The following ADAMTS15 variants were observed in gnomAD, a reference collection of about 807,000 sequenced individuals.
The protein encoded by ADAMTS15 is A disintegrin and metalloproteinase with thrombospondin motifs 15.
Under a neutral mutation model 79.1 loss-of-function variants are expected in ADAMTS15, and 35 were observed. That is an observed-to-expected ratio of 0.44 (90% CI 0.34 to 0.59). ADAMTS15 has a LOEUF of 0.59. Among genes scored for constraint, ADAMTS15 ranks in the 20% least tolerant of loss-of-function variants. The probability of loss-of-function intolerance (pLI) is 0.02; values close to 1 mark genes in which losing one functional copy is unlikely to be tolerated. For synonymous variants in ADAMTS15, 616 were observed against 567.3 expected (o/e 1.09, Z -1.22); for missense variants, 1,324 against 1,318.7 (o/e 1.00, Z -0.06).
chr11:130,448,786 C>T lies in ADAMTS15; in HGVS notation c.-188C>T, dbSNP rs1269968346. Among the ~76,000 whole-genome samples, 1 of 152,198 alleles carries T rather than the reference C, an allele frequency of 6.6e-6. No homozygotes were observed. Among genetic ancestry groups the T allele is most frequent in the East Asian group, 1.9e-4 (1 of 5,180 alleles). ...TGCTTGGAAAGGCACAGGTAGGAAG[C>T]GCGGGCTGCCGGGTGCACGCTCGCC... On this transcript the variant is annotated 5_prime_UTR_variant, in exon 1 of 8. Transcript: ENST00000299164.
intron 1 of ADAMTS15, chr11:130,450,524 T>G: frequency 1.3e-6 from 1 of 792,008 alleles, no homozygotes; most frequent in Non-Finnish European, 1.5e-6. Context: ...ACTCAAGTAC[T>G]GCGAGCATCC....
chr11:130,467,521 G>C, intron 4 of ADAMTS15, among the ~76,000 whole-genome samples: 1 of 152,082 alleles, frequency 6.6e-6, no homozygotes, highest in South Asian at 2.1e-4. Flanking sequence ...AAATATGCTG[G>C]ATATGTACAC....
Position 130,471,468 on chromosome 11 carries a change from TG to T in ADAMTS15, c.2078+89del, listed in dbSNP as rs1938457594. Reference sequence around the variant, plus strand: ...AGGGTATTGGAAGCTTGGGTTAGACTGGGGTAAATGTCAGATCCAGCCAGTA... The same window carrying T: ...AGGGTATTGGAAGCTTGGGTTAGACTGGGTAAATGTCAGATCCAGCCAGTA... On this transcript the variant is annotated intron_variant, in intron 7 of 7. Transcript: ENST00000299164. The T allele has an allele frequency of 4.0e-6, 6 of 1,483,166 alleles. No individual in the cohort carries two copies. In the South Asian group the frequency reaches 8.0e-5, roughly 20 times the overall value. The allele number at this position is 1,483,166 out of a possible 1,614,324, so 91.9% of individuals were successfully genotyped here.
Position 130,448,791 on chromosome 11 carries a change from G to A in ADAMTS15, c.-183G>A, listed in dbSNP as rs1216160831. 6.6e-6 allele frequency among the ~76,000 whole-genome samples: 1 copy of A among 152,204 alleles called. No individual in the cohort carries two copies. Among genetic ancestry groups the A allele is most frequent in the African/African-American group, 2.4e-5 (1 of 41,456 alleles). ...GGAAAGGCACAGGTAGGAAGCGCGG[G>A]CTGCCGGGTGCACGCTCGCCGCCCT... On this transcript the variant is annotated 5_prime_UTR_variant, in exon 1 of 8. Coordinates refer to ENST00000299164, the MANE Select transcript of ADAMTS15 (RefSeq NM_139055.4).
In ADAMTS15 at chr11:130,462,496, G is replaced by A; in HGVS notation, c.1259-1G>A. On this transcript the variant is annotated splice_acceptor_variant, in intron 3 of 7. Coordinates refer to ENST00000299164, the MANE Select transcript of ADAMTS15 (RefSeq NM_139055.4). LOFTEE classifies it high-confidence loss of function. The surrounding 1 kb of genome is among the most constrained non-coding windows in gnomAD (Gnocchi z 4.3). ...TAACGAACGCCCTCGGCTCTCTGCA[G>A]GTGACTGCCTCCTGGACCAACCCAG... is the stretch of plus-strand genomic sequence containing the variant. 6.3e-7 allele frequency: 1 copy of A among 1,586,024 alleles called. No individual in the cohort carries two copies.
intron 1 of ADAMTS15, among the ~76,000 whole-genome samples, chr11:130,453,258 G>C (rs1294418662): frequency 6.7e-6 from 1 of 148,376 alleles, no homozygotes; most frequent in Non-Finnish European, 1.5e-5. Context: ...TGCTCTCTGT[G>C]ACCTTTTCTC....
intron 1 of ADAMTS15, among the ~76,000 whole-genome samples, chr11:130,460,961 C>T (rs1938186890): frequency 6.6e-6 from 1 of 152,204 alleles, no homozygotes; most frequent in Non-Finnish European, 1.5e-5. Context: ...TCCTCCCAGC[C>T]TGATCACTGG....
At chr11:130,456,240 C>T (rs1410096994) in intron 1 of ADAMTS15, among the ~76,000 whole-genome samples, 5 of 152,110 alleles carry the variant, frequency 3.3e-5, no homozygotes, top group Admixed American at 6.6e-5. Flanking sequence ...TAGCTATTAT[C>T]GCTCTTCTTG....
In ADAMTS15 at chr11:130,462,723, G is replaced by A. The variant is rs1266034319; in HGVS notation, c.1485G>A (p.Glu495=). 1.9e-6 allele frequency: 3 copies of A among 1,608,334 alleles called. No homozygotes were observed. Among genetic ancestry groups the A allele is most frequent in the Non-Finnish European group, 2.6e-6 (3 of 1,175,382 alleles). The change falls in exon 4 of 8, where the codon GAG becomes GAA. Residue 495 remains glutamate (E), a synonymous_variant. Transcript: ENST00000299164. This position sits in a 1 kb window ranked among gnomAD's most constrained non-coding sequence, Gnocchi z 4.3. ...GGGCCGATGGCACCAGCTGTGGCGA[G>A]GGCAAGCTCTGCCTCAAAGGGGCCT... ...FPWADGTSCG[E]GKLCLKGACV... is the part of the protein sequence containing the mutation.
At chr11:130,470,808 G>T in intron 5 of ADAMTS15, 112 bp from the exon 6 acceptor site, 1 of 1,219,742 alleles carries the variant, frequency 8.2e-7, no homozygotes, top group African/African-American at 1.5e-5. Context: ...CAGCTTTGGT[G>T]ATGAGGGTGG....
intron 7 of ADAMTS15, 56 bp downstream of exon 7, chr11:130,471,439 T>G (rs757387304): frequency 1.5e-5 from 23 of 1,569,358 alleles, no homozygotes; most frequent in African/African-American, 2.8e-5. Context: ...AGGTGGAGTT[T>G]CCCAGGGTAT....
At position 130,462,403 on chromosome 11, in the gene ADAMTS15, C is replaced by G; in HGVS notation, c.1259-94C>G. On this transcript the variant is annotated intron_variant, in intron 3 of 7. Coordinates refer to ENST00000299164, the MANE Select transcript of ADAMTS15 (RefSeq NM_139055.4). The surrounding 1 kb of genome is among the most constrained non-coding windows in gnomAD (Gnocchi z 4.3). Reference sequence around the variant, plus strand: ...CTCTGACATGAGTGCATTCCTGTTGCCCTTGGTTCATTATCCCCTTACCAT... The same window carrying G: ...CTCTGACATGAGTGCATTCCTGTTGGCCTTGGTTCATTATCCCCTTACCAT... 6.6e-7 allele frequency: 1 copy of G among 1,506,104 alleles called. No homozygotes were observed. The highest frequency in any genetic ancestry group is 8.9e-7 in the Non-Finnish European group (1 of 1,119,172). 93.3% of individuals were successfully genotyped at this position (1,506,104 alleles called of 1,614,324 possible).
chr11:130,460,480 T>C (rs1328394460), intron 1 of ADAMTS15, among the ~76,000 whole-genome samples: 3 of 152,154 alleles, frequency 2.0e-5, no homozygotes, highest in Non-Finnish European at 2.9e-5. Context: ...TTTCGCCATG[T>C]TGGCCAGGCT....
Position 130,462,870 on chromosome 11 carries a change from GGTGCCT to G in ADAMTS15, c.1542+91_1542+96del. On this transcript the variant is annotated intron_variant, in intron 4 of 7. Transcript: ENST00000299164. This position sits in a 1 kb window ranked among gnomAD's most constrained non-coding sequence, Gnocchi z 4.3. ...GTCTGCCCTTGGTCTTCACCAGGAA[GGTGCCT>G]ATCACAGACTGGCCACGGGACCAGC... The G allele has an allele frequency of 6.6e-7, 1 of 1,511,560 alleles. No homozygotes were observed. Among genetic ancestry groups the G allele is most frequent in the Non-Finnish European group, 8.9e-7 (1 of 1,125,336 alleles). The allele number at this position is 1,511,560 out of a possible 1,614,324, so 93.6% of individuals were successfully genotyped here.
intron 1 of ADAMTS15, among the ~76,000 whole-genome samples, chr11:130,457,698 G>A (rs1938115457): frequency 6.6e-6 from 1 of 152,166 alleles, no homozygotes; most frequent in African/African-American, 2.4e-5. Context: ...GGGCTGAAGA[G>A]GTTAAGGCAG....
At chr11:130,453,323 C>T (rs1938004997) in intron 1 of ADAMTS15, among the ~76,000 whole-genome samples, 1 of 141,874 alleles carries the variant, frequency 7.0e-6, no homozygotes, top group African/African-American at 2.6e-5. Context: ...GTTTTACTGT[C>T]TGTTTCTTCA....
chr11:130,460,490 T>C (rs186385661), intron 1 of ADAMTS15, among the ~76,000 whole-genome samples: 7 of 152,282 alleles, frequency 4.6e-5, no homozygotes, highest in African/African-American at 1.7e-4. Context: ...TTGGCCAGGC[T>C]GGTCTTGAGC....
In ADAMTS15 at chr11:130,448,866, C is replaced by G. The variant is rs890737091; in HGVS notation, c.-108C>G. On this transcript the variant is annotated 5_prime_UTR_variant, in exon 1 of 8. Coordinates refer to ENST00000299164, the MANE Select transcript of ADAMTS15 (RefSeq NM_139055.4). ...CTCCTTTCTGGGAACTGCCGGCTGTCCCGTAGCGTTGGCGGTTCCAGAGTG... is the reference window on the plus strand; with the variant it reads ...CTCCTTTCTGGGAACTGCCGGCTGTGCCGTAGCGTTGGCGGTTCCAGAGTG... 1 of 841,620 alleles carries G rather than the reference C, an allele frequency of 1.2e-6. No individual in the cohort carries two copies. The highest frequency in any genetic ancestry group is 1.7e-6 in the Non-Finnish European group (1 of 605,920). The allele number at this position is 841,620 out of a possible 1,614,324, so 52.1% of individuals were successfully genotyped here.
chr11:130,461,056 C>T (rs1176020987), intron 1 of ADAMTS15, among the ~76,000 whole-genome samples: 5 of 152,202 alleles, frequency 3.3e-5, no homozygotes, highest in African/African-American at 9.6e-5. Flanking sequence ...CAGCAAAGAC[C>T]GAGGCTGCTC....
Sources: gnomAD v4.1 joint callset for allele counts (sites outside exome capture counted in the v4.1 genomes callset) on GRCh38, gnomAD v4.1.1 for gene constraint, Gnocchi (gnomAD v3.1) non-coding constraint, MANE v1.5 for transcripts, NCBI Gene and HGNC (gene_info 2026-07-23, HGNC 2026-07-21) for gene names.